Variants in KIRREL1 observed in about 807,000 individuals in gnomAD.
The protein encoded by KIRREL1 is kirre like nephrin family adhesion molecule 1, also known as kin of IRRE-like protein 1.
Under a neutral mutation model 83.3 loss-of-function variants are expected in KIRREL1, and 25 were observed. The observed-to-expected ratio is 0.30, with a 90% CI of 0.22 to 0.42. KIRREL1 has a LOEUF of 0.42. Ranked by LOEUF, KIRREL1 falls within the 10% of genes least tolerant of loss-of-function variation. KIRREL1 has a pLI of 1.00. For missense variants in KIRREL1, 812 were observed against 1,032.3 expected, an observed-to-expected ratio of 0.79 and a Z score of 2.92; for synonymous variants, 388 against 410.4, an observed-to-expected ratio of 0.95 and a Z score of 0.66.
chr1:158,093,548 C>T, intron 12 of KIRREL1, 75 bp from the exon 13 acceptor site: 1 of 1,605,708 alleles, frequency 6.2e-7, no homozygotes, highest in South Asian at 1.1e-5. Flanking sequence ...TGAGCTCCAG[C>T]CCAGAGGGAG....
chr1:158,028,867 C>G (rs1380778180), intron 1 of KIRREL1, among the ~76,000 whole-genome samples: 1 of 152,180 alleles, frequency 6.6e-6, no homozygotes, highest in Non-Finnish European at 1.5e-5. Flanking sequence ...GGATGCAGAA[C>G]TTGACCTTCT....
Position 158,097,302 on chromosome 1 carries a change from G to T in KIRREL1, c.*2182G>T. ...ATCCAAAGACTTGAAGTCTAAAGAT[G>T]GTGGCTTTTAAAACATGCATATTCC... On this transcript the variant is annotated 3_prime_UTR_variant, in exon 15 of 15. Coordinates refer to ENST00000359209, the MANE Select transcript of KIRREL1 (RefSeq NM_018240.7). The T allele has an allele frequency of 9.8e-6, 3 of 306,816 alleles. No homozygotes were observed. Among genetic ancestry groups the T allele is most frequent in the South Asian group, 3.0e-5 (1 of 33,772 alleles). 19.0% of individuals were successfully genotyped at this position (306,816 alleles called of 1,614,324 possible). A position where few individuals can be genotyped will look rare whatever the true frequency, so the allele number is the denominator to read the frequency against.
chr1:158,024,088 T>C (rs1174122368), intron 1 of KIRREL1, among the ~76,000 whole-genome samples: 1 of 151,996 alleles, frequency 6.6e-6, no homozygotes, highest in Non-Finnish European at 1.5e-5. Context: ...GCTGGGATTG[T>C]AGGTGCATGC....
At chr1:158,003,217 G>T in intron 1 of KIRREL1, among the ~76,000 whole-genome samples, 1 of 152,212 alleles carries the variant, frequency 6.6e-6, no homozygotes, top group East Asian at 1.9e-4. Context: ...TTAACTGGGA[G>T]GTTATTAAAA....
chr1:158,100,095 T>G lies in KIRREL1; in HGVS notation c.*4975T>G, dbSNP rs1558023812. On this transcript the variant is annotated 3_prime_UTR_variant, in exon 15 of 15. Coordinates refer to ENST00000359209, the MANE Select transcript of KIRREL1 (RefSeq NM_018240.7). ...TATTATTTTTGTTAGGACAAACCAT[T>G]GTAGGTTTTTAGCAATGTGTATCTG... 6.6e-6 allele frequency: 1 copy of G among 152,102 alleles called. No individual in the cohort carries two copies. The highest frequency in any genetic ancestry group is 1.5e-5 in the Non-Finnish European group (1 of 68,028). The allele number at this position is 152,102 out of a possible 1,614,324, so 9.4% of individuals were successfully genotyped here.
chr1:158,008,979 C>A (rs374037711), intron 1 of KIRREL1, among the ~76,000 whole-genome samples: 2 of 152,138 alleles, frequency 1.3e-5, no homozygotes, highest in African/African-American at 4.8e-5. Context: ...ATGGTCAGCT[C>A]TGCTGTCACC....
intron 10 of KIRREL1, among the ~76,000 whole-genome samples, chr1:158,090,145 A>C (rs1389019377): frequency 6.6e-6 from 1 of 151,970 alleles, no homozygotes. Context: ...CACTTGATTC[A>C]TGTTAGTTCC....
intron 1 of KIRREL1, among the ~76,000 whole-genome samples, chr1:158,026,342 T>C (rs975437687): frequency 2.0e-5 from 3 of 152,212 alleles, no homozygotes; most frequent in African/African-American, 7.2e-5. Flanking sequence ...AAGCTAGGTC[T>C]AGTATATCTT....
At chr1:158,033,489 C>T (rs183934956) in intron 1 of KIRREL1, among the ~76,000 whole-genome samples, 54 of 152,310 alleles carry the variant, frequency 3.5e-4, no homozygotes, top group Non-Finnish European at 1.0e-4. Flanking sequence ...CAGTTCTGGG[C>T]TGGATGGTGA....
chr1:158,093,356 A>C lies in KIRREL1; in HGVS notation c.1489A>C (p.Ile497Leu). Residue 497 changes from isoleucine to leucine, a missense_variant, in exon 12 of 15, where the codon ATC becomes CTC. Ile to Leu is a conservative substitution (Grantham distance 5, BLOSUM62 2). Around this residue, in one of 3 missense-constraint regions of KIRREL1, gnomAD observed 334 missense variants for 383.7 expected, o/e 0.87. Transcript: ENST00000359209. ...LEEREVLPVGIIAGATIGASI... is the reference protein window; with the variant it reads ...LEEREVLPVGLIAGATIGASI... ...ATCGAAAGAGGTGTTACCTGTGGGC[A>C]TCATAGCTGGGGCCACCATCGGCGC... The C allele has an allele frequency of 6.2e-7, 1 of 1,614,172 alleles. No individual in the cohort carries two copies. The highest frequency in any genetic ancestry group is 8.5e-7 in the Non-Finnish European group (1 of 1,179,994).
At chr1:158,026,863 G>A (rs1382814643) in intron 1 of KIRREL1, among the ~76,000 whole-genome samples, 1 of 152,066 alleles carries the variant, frequency 6.6e-6, no homozygotes, top group East Asian at 1.9e-4. Flanking sequence ...CCTCTGCTCT[G>A]CACCCCCCCA....
intron 1 of KIRREL1, among the ~76,000 whole-genome samples, chr1:158,061,622 C>T (rs1055492201): frequency 2.0e-5 from 3 of 152,198 alleles, no homozygotes; most frequent in Non-Finnish European, 2.9e-5. Flanking sequence ...TCTCCTCTGG[C>T]TGGCATCTAG....
intron 8 of KIRREL1, 24 bp from the exon 9 acceptor site, chr1:158,089,478 C>T: frequency 6.2e-7 from 1 of 1,613,706 alleles, no homozygotes; most frequent in Non-Finnish European, 8.5e-7. Context: ...TGGCTCCCCA[C>T]CCGAGGCTGC....
intron 1 of KIRREL1, among the ~76,000 whole-genome samples, chr1:158,070,015 G>A (rs748224390): frequency 5.9e-5 from 9 of 152,294 alleles, no homozygotes; most frequent in South Asian, 2.1e-4. Flanking sequence ...CTTGGCTACC[G>A]CTCCTCCCTT....
At chr1:158,059,964 G>T (rs183347772) in intron 1 of KIRREL1, among the ~76,000 whole-genome samples, 2 of 152,206 alleles carry the variant, frequency 1.3e-5, no homozygotes, top group Non-Finnish European at 2.9e-5. Context: ...GGTTGAAGTG[G>T]GAATACGTTT....
In KIRREL1 at chr1:158,095,699, A is replaced by T. The variant is rs1273669373; in HGVS notation, c.*579A>T. On this transcript the variant is annotated 3_prime_UTR_variant, in exon 15 of 15. Coordinates refer to ENST00000359209, the MANE Select transcript of KIRREL1 (RefSeq NM_018240.7). ...AGAACAGCCCTGGCACTGCATTCAA[A>T]TCCAGTCTTCATTCAGCTGGGATCA... 6.6e-6 allele frequency: 1 copy of T among 152,178 alleles called. No individual in the cohort carries two copies. The highest frequency in any genetic ancestry group is 1.9e-4 in the East Asian group (1 of 5,158). The allele number at this position is 152,178 out of a possible 1,614,324, so 9.4% of individuals were successfully genotyped here. A position where few individuals can be genotyped will look rare whatever the true frequency, so the allele number is the denominator to read the frequency against.
At chr1:158,091,666 C>G in intron 11 of KIRREL1, 110 bp downstream of exon 11, 2 of 1,049,946 alleles carry the variant, frequency 1.9e-6, no homozygotes, top group Non-Finnish European at 2.8e-6. Context: ...GGGCTCTGCT[C>G]TGAGGGAGGG....
Position 158,097,734 on chromosome 1 carries a change from C to A in KIRREL1, c.*2614C>A, listed in dbSNP as rs1415437793. 6.6e-6 allele frequency: 1 copy of A among 152,444 alleles called. No homozygotes were observed. The highest frequency in any genetic ancestry group is 1.5e-5 in the Non-Finnish European group (1 of 68,296). 9.4% of individuals were successfully genotyped at this position (152,444 alleles called of 1,614,324 possible). A position where few individuals can be genotyped will look rare whatever the true frequency, so the allele number is the denominator to read the frequency against. On this transcript the variant is annotated 3_prime_UTR_variant, in exon 15 of 15. Transcript: ENST00000359209. ...GTCCTTGATCACAGAGCTTTGCTGT[C>A]GAATCCTGGAGTCCTGCAACATGGT...
At chr1:158,044,714 G>A (rs1660728536) in intron 1 of KIRREL1, among the ~76,000 whole-genome samples, 1 of 152,116 alleles carries the variant, frequency 6.6e-6, no homozygotes, top group East Asian at 1.9e-4. Context: ...GGCCAGGCTG[G>A]TCTCGAACTC....
Sources: gnomAD v4.1 joint callset for allele counts (sites outside exome capture counted in the v4.1 genomes callset) on GRCh38, gnomAD v4.1.1 for gene constraint, gnomAD v4.1.1 regional missense constraint, MANE v1.5 for transcripts, NCBI Gene and HGNC (gene_info 2026-07-23, HGNC 2026-07-21) for gene names.